TMEM181: variants seen among roughly 807,000 people sequenced by gnomAD.
TMEM181 encodes the protein transmembrane protein 181.
In TMEM181, 39 loss-of-function variants were observed where a neutral mutation model predicts 71.9. The ratio of observed to expected loss-of-function variants is 0.54; its 90% CI spans 0.42 to 0.71. The LOEUF (loss-of-function observed/expected upper bound fraction) is 0.71, where lower values mean the gene tolerates loss of function less well. Ranked by LOEUF, TMEM181 falls within the 30% of genes least tolerant of loss-of-function variation. The pLI is 0.00. For synonymous variants in TMEM181, 245 were observed against 228.8 expected, an observed-to-expected ratio of 1.07 and a Z score of -0.64; for missense variants, 595 against 583.0, an observed-to-expected ratio of 1.02 and a Z score of -0.21.
intron 1 of TMEM181, among the ~76,000 whole-genome samples, chr6:158,560,845 C>T (rs748419324): frequency 2.6e-5 from 4 of 151,604 alleles, no homozygotes; most frequent in African/African-American, 4.8e-5. Context: ...TCTTTGAAGT[C>T]CAGGGTTTTT....
chr6:158,543,540 G>A (rs562288626), intron 1 of TMEM181, among the ~76,000 whole-genome samples: 1 of 152,378 alleles, frequency 6.6e-6, no homozygotes, highest in East Asian at 1.9e-4. Flanking sequence ...TGTTGGCAGA[G>A]TTGTCTCCTC....
chr6:158,596,163 G>A (rs928140744), intron 6 of TMEM181, among the ~76,000 whole-genome samples: 20 of 152,134 alleles, frequency 1.3e-4, no homozygotes, highest in African/African-American at 4.3e-4. Flanking sequence ...CTCATGATCC[G>A]CCCGCCTAGT....
At chr6:158,614,273 C>A (rs949836954) in intron 10 of TMEM181, among the ~76,000 whole-genome samples, 1 of 152,136 alleles carries the variant, frequency 6.6e-6, no homozygotes, top group Non-Finnish European at 1.5e-5. Context: ...ATTTGAAACA[C>A]TTGATAGTAT....
At chr6:158,539,770 G>C (rs1217119476) in intron 1 of TMEM181, among the ~76,000 whole-genome samples, 1 of 152,196 alleles carries the variant, frequency 6.6e-6, no homozygotes, top group Non-Finnish European at 1.5e-5. Flanking sequence ...GAGGGAAGGT[G>C]GTAAAACAAT....
At chr6:158,553,672 A>G (rs1318752342) in intron 1 of TMEM181, among the ~76,000 whole-genome samples, 1 of 152,260 alleles carries the variant, frequency 6.6e-6, no homozygotes, top group African/African-American at 2.4e-5. Flanking sequence ...CCCATGCAAC[A>G]GTATATTAAT....
chr6:158,583,440 C>T (rs4708796), intron 3 of TMEM181, among the ~76,000 whole-genome samples: 2,650 of 152,174 alleles, frequency 0.017, 262 homozygotes, highest in Admixed American at 0.16. Context: ...GAGAGACAGA[C>T]GTGAATTGCT....
chr6:158,596,722 C>T (rs1035786200), intron 6 of TMEM181, among the ~76,000 whole-genome samples: 4 of 152,122 alleles, frequency 2.6e-5, no homozygotes, highest in African/African-American at 9.7e-5. Context: ...GGGGAGGTCT[C>T]AGAATCATGG....
intron 10 of TMEM181, among the ~76,000 whole-genome samples, chr6:158,622,190 A>G (rs1455073668): frequency 6.6e-6 from 1 of 152,252 alleles, no homozygotes; most frequent in Non-Finnish European, 1.5e-5. Context: ...CCTATGATAA[A>G]GATTATTTGT....
chr6:158,573,860 C>T (rs865786753), intron 2 of TMEM181, among the ~76,000 whole-genome samples: 2 of 152,062 alleles, frequency 1.3e-5, no homozygotes. Context: ...GAACATGCTG[C>T]CTGGTTGGGG....
chr6:158,608,213 GACCCC>G, intron 8 of TMEM181, 115 bp from the exon 9 acceptor site: 5 of 708,350 alleles, frequency 7.1e-6, no homozygotes, highest in Non-Finnish European at 9.5e-6. Flanking sequence ...GCCAGGTGCT[GACCCC>G]GCAGAGGTAT....
At position 158,625,485 on chromosome 6, in the gene TMEM181, C is replaced by G. The variant is rs866078523; in HGVS notation, c.1058-218C>G. On this transcript the variant is annotated intron_variant, in intron 12 of 16. Coordinates refer to ENST00000684151, the MANE Select transcript of TMEM181 (RefSeq NM_001376852.1). ...GAGCTTGCGGGATCCTTTCCTGAAT[C>G]TGTCCCCACCAGAGGATGGTGGCTG... is the stretch of plus-strand genomic sequence containing the variant. 5.3e-5 allele frequency among the ~76,000 whole-genome samples: 8 copies of G among 152,200 alleles called. No individual in the cohort carries two copies. In the South Asian group the frequency reaches 1.7e-3, roughly 31 times the overall value.
At chr6:158,599,510 TC>T (rs1185877461) in intron 6 of TMEM181, among the ~76,000 whole-genome samples, 8 of 152,376 alleles carry the variant, frequency 5.3e-5, no homozygotes, top group Non-Finnish European at 8.8e-5. Flanking sequence ...ACTCTTTATT[TC>T]ATTTTACTTA....
chr6:158,549,110 CTTTTT>C (rs33969411), intron 1 of TMEM181, among the ~76,000 whole-genome samples: 3 of 67,512 alleles, frequency 4.4e-5, no homozygotes, highest in Non-Finnish European at 5.5e-5. Flanking sequence ...GTGCACACTT[CTTTTT>C]TTTTTTTTTT....
Position 158,577,228 on chromosome 6 carries a change from G to A in TMEM181, c.112+3705G>A, listed in dbSNP as rs554270390. On this transcript the variant is annotated intron_variant, in intron 2 of 16. Transcript: ENST00000684151. The stretch of plus-strand genomic sequence containing the variant: ...AAAGGTGCTGAGGCAACTAAAGGAA[G>A]AGACATGGAGACAGTCAAGAAAACA... Among the ~76,000 whole-genome samples, 12 of 152,260 alleles carry A rather than the reference G, an allele frequency of 7.9e-5. No individual in the cohort carries two copies. The South Asian group carries it at 2.5e-3, about 32-fold the overall frequency.
chr6:158,619,312 C>T (rs563949768), intron 10 of TMEM181, among the ~76,000 whole-genome samples: 4 of 152,292 alleles, frequency 2.6e-5, no homozygotes, highest in Non-Finnish European at 4.4e-5. Flanking sequence ...GCATGCGTCA[C>T]GTAGTTCTTA....
chr6:158,592,600 G>C lies in TMEM181; in HGVS notation c.492+2818G>C, dbSNP rs563027630. ...CAATTCTCCTGCCTTAGCCTCCCTA[G>C]TAGCTGGGATTACAGCTACTAATAG... On this transcript the variant is annotated intron_variant, in intron 6 of 16. Transcript: ENST00000684151. 4.6e-5 allele frequency among the ~76,000 whole-genome samples: 7 copies of C among 152,162 alleles called. No individual in the cohort carries two copies. In the South Asian group the frequency reaches 6.2e-4, roughly 14 times the overall value.
intron 10 of TMEM181, chr6:158,610,292 G>T: frequency 3.5e-6 from 1 of 288,942 alleles, no homozygotes; most frequent in Non-Finnish European, 7.0e-6. Flanking sequence ...GGAAAATGAG[G>T]GTGACAGCCA....
intron 15 of TMEM181, 42 bp from the exon 16 acceptor site, chr6:158,631,281 A>C: frequency 6.2e-7 from 1 of 1,607,382 alleles, no homozygotes; most frequent in African/African-American, 1.3e-5. Flanking sequence ...CAGGCTCATC[A>C]CGTCAATTGC....
chr6:158,595,431 G>A (rs193066840), intron 6 of TMEM181, among the ~76,000 whole-genome samples: 215 of 152,330 alleles, frequency 1.4e-3, no homozygotes, highest in Non-Finnish European at 1.7e-3. Flanking sequence ...CTGCTGGGGA[G>A]CGTGTAAATT....
Sources: gnomAD v4.1 joint callset for allele counts (sites outside exome capture counted in the v4.1 genomes callset) on GRCh38, gnomAD v4.1.1 for gene constraint, MANE v1.5 for transcripts, NCBI Gene and HGNC (gene_info 2026-07-23, HGNC 2026-07-21) for gene names.